Variants in RTN4 observed in about 807,000 individuals in gnomAD.
RTN4 encodes reticulon 4.
RTN4 carries 32 observed loss-of-function variants against 90.4 expected under a neutral mutation model. That is an observed-to-expected ratio of 0.35 (90% CI 0.27 to 0.48). The LOEUF is 0.48. RTN4 is among the 20% of genes least tolerant of loss of function. RTN4 has a pLI of 0.99. For synonymous variants in RTN4, 629 were observed against 552.5 expected, an observed-to-expected ratio of 1.14 and a Z score of -1.94; for missense variants, 1,706 against 1,430.2, an observed-to-expected ratio of 1.19 and a Z score of -3.11.
rs1681954464 is a variant in RTN4 at position 55,027,122 on chromosome 2, T to C, written c.977A>G (p.Lys326Arg). 6.2e-7 allele frequency: 1 copy of C among 1,613,486 alleles called. No homozygotes were observed. Reference protein sequence around the residue: ...VANPREEIIVKNKDEEEKLVS... With the variant: ...VANPREEIIVRNKDEEEKLVS... ...TAACTTCTCTTCTTCATCTTTATTT[T>C]TCACGATTATTTCTTCCCTAGGATT... The change falls in exon 3 of 9, where the codon AAA (lysine) becomes AGA (arginine). Residue 326 changes from lysine to arginine, a missense_variant. Coordinates refer to ENST00000337526, the MANE Select transcript of RTN4 (RefSeq NM_020532.5).
intron 2 of RTN4, chr2:55,056,377 GT>G (rs1558860628): frequency 6.6e-6 from 1 of 152,100 alleles, no homozygotes; most frequent in Non-Finnish European, 1.5e-5. Context: ...GAGTATGAGG[GT>G]AAGGACGCTG....
At chr2:54,994,810 C>A (rs1457082350) in intron 3 of RTN4, among the ~76,000 whole-genome samples, 1 of 152,204 alleles carries the variant, frequency 6.6e-6, no homozygotes, top group South Asian at 2.1e-4. Context: ...TAAATCCTCA[C>A]TTAAATGTTG....
rs1400993772 is a variant in RTN4 at position 54,973,561 on chromosome 2, AC to A, written c.3536+1del. 1 of 1,600,674 alleles carries A rather than the reference AC, an allele frequency of 6.2e-7. No homozygotes were observed. The highest frequency in any genetic ancestry group is 8.6e-7 in the Non-Finnish European group (1 of 1,167,952). On this transcript the variant is annotated splice_donor_variant, in intron 8 of 8. Transcript: ENST00000337526. LOFTEE classifies it high-confidence loss of function. ...AAAACACTGCAGATTTTAAATACTT[AC>A]TTAGCCATAGCATCTTTAACATTCT...
chr2:55,135,144 AC>A, the RTN4 span, among the ~76,000 whole-genome samples: 1 of 152,158 alleles, frequency 6.6e-6, no homozygotes, highest in Non-Finnish European at 1.5e-5. Flanking sequence ...CAAAGATGGC[AC>A]AAAAATAATA....
intron 5 of RTN4, among the ~76,000 whole-genome samples, chr2:54,979,460 A>T (rs374892235): frequency 1.3e-5 from 2 of 152,242 alleles, no homozygotes; most frequent in East Asian, 3.8e-4. Flanking sequence ...AATCCTATCA[A>T]GCGTTTTTAT....
At chr2:55,121,158 T>G in the RTN4 span, among the ~76,000 whole-genome samples, 3 of 152,244 alleles carry the variant, frequency 2.0e-5, no homozygotes, top group African/African-American at 7.2e-5. Context: ...TATTGTGCAG[T>G]GTCTGACAGA....
chr2:55,116,615 T>C (rs956926401), upstream of RTN4, among the ~76,000 whole-genome samples: 2 of 152,202 alleles, frequency 1.3e-5, no homozygotes, highest in African/African-American at 4.8e-5. Flanking sequence ...ATCATCAAAA[T>C]AGCCCCATGA....
intron 3 of RTN4, chr2:55,010,210 T>A (rs1237780994): frequency 1.3e-6 from 2 of 1,596,320 alleles, no homozygotes; most frequent in Non-Finnish European, 1.7e-6. Context: ...CCCTGAGACA[T>A]GAAATACCCG....
chr2:55,097,199 T>C (rs1029554264), intron 1 of RTN4, among the ~76,000 whole-genome samples: 5 of 151,222 alleles, frequency 3.3e-5, no homozygotes, highest in South Asian at 2.1e-4. Context: ...AAGAGCTAAA[T>C]TGTGATAAAG....
chr2:55,007,651 T>C (rs1303565902), intron 3 of RTN4, among the ~76,000 whole-genome samples: 1 of 152,128 alleles, frequency 6.6e-6, no homozygotes, highest in Non-Finnish European at 1.5e-5. Flanking sequence ...TACACCAGGA[T>C]GCTTAATATG....
At chr2:55,022,931 C>CA (rs1558815395) in intron 3 of RTN4, among the ~76,000 whole-genome samples, 49 of 71,392 alleles carry the variant, frequency 6.9e-4, no homozygotes, top group African/African-American at 1.6e-3. Context: ...ACACACACAC[C>CA]CTGCTCTCCC....
At chr2:55,029,043 G>A (rs1333220466) in intron 1 of RTN4, among the ~76,000 whole-genome samples, 1 of 152,162 alleles carries the variant, frequency 6.6e-6, no homozygotes, top group Non-Finnish European at 1.5e-5. Context: ...AGGTGATTAG[G>A]GTTAAATGCA....
At position 55,049,990 on chromosome 2, in the gene RTN4, C is replaced by G; in HGVS notation, c.311G>C (p.Arg104Pro). Residue 104 changes from arginine to proline, a missense_variant, in exon 1 of 9, where the codon CGG becomes CCG. Physicochemically the swap from Arg to Pro is moderately radical, Grantham distance 103 (BLOSUM62 -2). Transcript: ENST00000337526. Reference protein sequence around the residue: ...LPAAPPVAPERQPSWDPSPVS... With the variant: ...LPAAPPVAPEPQPSWDPSPVS... Reference sequence around the variant, plus strand: ...CGGGCTCGGGTCCCAAGACGGCTGCCGCTCCGGGGCGACGGGGGGAGCGGC... The same window carrying G: ...CGGGCTCGGGTCCCAAGACGGCTGCGGCTCCGGGGCGACGGGGGGAGCGGC... 1 of 1,372,838 alleles carries G rather than the reference C, an allele frequency of 7.3e-7. No homozygotes were observed. The highest frequency in any genetic ancestry group is 9.3e-7 in the Non-Finnish European group (1 of 1,070,774). 85.0% of individuals were successfully genotyped at this position (1,372,838 alleles called of 1,614,324 possible).
At chr2:55,020,675 A>C (rs1285978347) in intron 3 of RTN4, among the ~76,000 whole-genome samples, 1 of 152,190 alleles carries the variant, frequency 6.6e-6, no homozygotes, top group Non-Finnish European at 1.5e-5. Flanking sequence ...CTTTCTTCCC[A>C]AAACTAAAAC....
At chr2:55,135,538 A>C in the RTN4 span, among the ~76,000 whole-genome samples, 1 of 152,186 alleles carries the variant, frequency 6.6e-6, no homozygotes. Flanking sequence ...AACATTTTCA[A>C]TATATGGTGT....
chr2:55,014,812 G>A (rs1470987063), intron 3 of RTN4, among the ~76,000 whole-genome samples: 1 of 152,132 alleles, frequency 6.6e-6, no homozygotes, highest in Non-Finnish European at 1.5e-5. Flanking sequence ...ACTGCACCTG[G>A]CCTCAAGCAC....
At chr2:55,060,002 G>T (rs1369225755) in intron 2 of RTN4, among the ~76,000 whole-genome samples, 1 of 152,084 alleles carries the variant, frequency 6.6e-6, no homozygotes, top group East Asian at 1.9e-4. Context: ...GATTAATGAT[G>T]CAAACAAGGG....
Position 55,027,006 on chromosome 2 carries a change from C to T in RTN4, c.1093G>A (p.Ala365Thr). ...CTCTTTTCATTAAAACTGTCTTTTG[C>T]TTTTTCTGAAGACACAACTTCATCC... Reference protein sequence around the residue: ...KEDEVVSSEKAKDSFNEKRVA... With the variant: ...KEDEVVSSEKTKDSFNEKRVA... Residue 365 changes from alanine to threonine, a missense_variant, in exon 3 of 9, where the codon GCA becomes ACA. By Grantham distance (58) the Ala-to-Thr change is moderately conservative. Transcript: ENST00000337526. 6.2e-7 allele frequency: 1 copy of T among 1,613,464 alleles called. No homozygotes were observed.
chr2:54,973,572 G>T lies in RTN4; in HGVS notation c.3527C>A (p.Ala1176Asp). The stretch of plus-strand genomic sequence containing the variant: ...GATTTTAAATACTTACTTAGCCATA[G>T]CATCTTTAACATTCTTATTTGCAAG... ...LGLANKNVKD[A>D]MAKIQAKIPG... is the part of the protein sequence containing the mutation. The change falls in exon 8 of 9, where the codon GCT (alanine) becomes GAT (aspartate). Residue 1176 changes from alanine (A) to aspartate (D), a missense_variant. Physicochemically the swap from Ala to Asp is moderately radical, Grantham distance 126 (BLOSUM62 -2). Transcript: ENST00000337526. 1 of 1,607,180 alleles carries T rather than the reference G, an allele frequency of 6.2e-7. No homozygotes were observed. Among genetic ancestry groups the T allele is most frequent in the Non-Finnish European group, 8.5e-7 (1 of 1,173,800 alleles).
Sources: gnomAD v4.1 joint callset for allele counts (sites outside exome capture counted in the v4.1 genomes callset) on GRCh38, gnomAD v4.1.1 for gene constraint, MANE v1.5 for transcripts, NCBI Gene and HGNC (gene_info 2026-07-23, HGNC 2026-07-21) for gene names.